PRADC1: variants seen among roughly 807,000 people sequenced by gnomAD.
The protein encoded by PRADC1 is protease-associated domain-containing protein 1.
Under a neutral mutation model 22.9 loss-of-function variants are expected in PRADC1, and 23 were observed. The ratio of observed to expected loss-of-function variants is 1.00; its 90% CI spans 0.72 to 1.42. The LOEUF is 1.42. Ranked by LOEUF, PRADC1 falls within the 40% of genes most tolerant of loss-of-function variation. PRADC1 has a pLI of 0.00. For synonymous variants in PRADC1, 71 were observed against 100.3 expected (o/e 0.71, Z 1.75); for missense variants, 207 against 258.3 (o/e 0.80, Z 1.36).
chr2:73,228,628 G>A lies in PRADC1; in HGVS notation c.447-54C>T. ...GGTCACTTTCTTGGTACCCCATCAT[G>A]CCCCACTGTCCCCATCAATCTGGGA... On this transcript the variant is annotated intron_variant, in intron 4 of 4. Coordinates refer to ENST00000258083, the MANE Select transcript of PRADC1 (RefSeq NM_032319.3). The surrounding 1 kb of genome is among the most constrained non-coding windows in gnomAD (Gnocchi z 4.0). The A allele has an allele frequency of 1.3e-5, 21 of 1,612,922 alleles. No individual in the cohort carries two copies. The highest frequency in any genetic ancestry group is 1.8e-5 in the Non-Finnish European group (21 of 1,179,526).
rs1348909496 is a variant in PRADC1 at position 73,228,085 on chromosome 2, A to T, written c.*369T>A. ...TCCCCAAACACCAGCTCTTTAAACCACTCCAACAACTGCTGTGAAGGTCAC... is the reference window on the plus strand; with the variant it reads ...TCCCCAAACACCAGCTCTTTAAACCTCTCCAACAACTGCTGTGAAGGTCAC... On this transcript the variant is annotated 3_prime_UTR_variant, in exon 5 of 5. Transcript: ENST00000258083. The surrounding 1 kb of genome is among the most constrained non-coding windows in gnomAD (Gnocchi z 4.0). 1 of 266,472 alleles carries T rather than the reference A, an allele frequency of 3.8e-6. No homozygotes were observed. The highest frequency in any genetic ancestry group is 2.1e-5 in the African/African-American group (1 of 46,512). The allele number at this position is 266,472 out of a possible 1,614,324, so 16.5% of individuals were successfully genotyped here.
chr2:73,229,720 A>T, intron 2 of PRADC1, 150 bp from the exon 3 acceptor site: 1 of 655,104 alleles, frequency 1.5e-6, no homozygotes, highest in South Asian at 1.8e-5. Flanking sequence ...AAACATTTTT[A>T]CTTAATTCTC....
At chr2:73,232,316 G>A (rs574465376) in intron 1 of PRADC1, among the ~76,000 whole-genome samples, 65 of 148,118 alleles carry the variant, frequency 4.4e-4, no homozygotes, top group Non-Finnish European at 7.7e-4. Flanking sequence ...CAACCTGGGC[G>A]ACAGAGCAAG....
At chr2:73,232,985 C>T in intron 1 of PRADC1, 109 bp downstream of exon 1, 2 of 1,321,182 alleles carry the variant, frequency 1.5e-6, no homozygotes, top group South Asian at 2.7e-5. Context: ...ACCTGTCCTG[C>T]TCTGAACTCG....
chr2:73,228,361 C>T lies in PRADC1; in HGVS notation c.*93G>A. The T allele has an allele frequency of 6.6e-7, 1 of 1,515,276 alleles. No homozygotes were observed. The allele number at this position is 1,515,276 out of a possible 1,614,324, so 93.9% of individuals were successfully genotyped here. A position where few individuals can be genotyped will look rare whatever the true frequency, so the allele number is the denominator to read the frequency against. On this transcript the variant is annotated 3_prime_UTR_variant, in exon 5 of 5. Coordinates refer to ENST00000258083, the MANE Select transcript of PRADC1 (RefSeq NM_032319.3). The surrounding 1 kb of genome is among the most constrained non-coding windows in gnomAD (Gnocchi z 4.0). ...TCCTCTACCTGGCTCCACTTGTCCC[C>T]AGATGCTATCTCCAAATTCCAAGTA...
At chr2:73,230,062 A>AG in intron 2 of PRADC1, 51 bp downstream of exon 2, 1 of 1,280,504 alleles carries the variant, frequency 7.8e-7, no homozygotes, top group Non-Finnish European at 1.1e-6. Context: ...CAGCTCAGTG[A>AG]GGGGAAGGGG....
Position 73,228,226 on chromosome 2 carries a change from G to C in PRADC1, c.*228C>G. 1.8e-6 allele frequency: 1 copy of C among 549,680 alleles called. No individual in the cohort carries two copies. Among genetic ancestry groups the C allele is most frequent in the Non-Finnish European group, 3.2e-6 (1 of 311,214 alleles). 34.1% of individuals were successfully genotyped at this position (549,680 alleles called of 1,614,324 possible). A position where few individuals can be genotyped will look rare whatever the true frequency, so the allele number is the denominator to read the frequency against. On this transcript the variant is annotated 3_prime_UTR_variant, in exon 5 of 5. Transcript: ENST00000258083. This position sits in a 1 kb window ranked among gnomAD's most constrained non-coding sequence, Gnocchi z 4.0. ...GTTTCGGGTTCTAGCCAGAAGCCCT[G>C]GGGCCTGTCTCTTGCCTCTTCTTGT...
chr2:73,231,081 C>T (rs1686625831), intron 1 of PRADC1, among the ~76,000 whole-genome samples: 1 of 152,230 alleles, frequency 6.6e-6, no homozygotes, highest in South Asian at 2.1e-4. Context: ...TAAATGGGGA[C>T]TTTCAACATA....
chr2:73,229,560 T>C lies in PRADC1; in HGVS notation c.179A>G (p.Tyr60Cys). The C allele has an allele frequency of 6.2e-7, 1 of 1,612,996 alleles. No homozygotes were observed. The highest frequency in any genetic ancestry group is 1.1e-5 in the South Asian group (1 of 91,054). Reference sequence around the variant, plus strand: ...AGCGGGGACAAGGTGAATCTGCTCATACCTTGTGTGCTGAAAAACATTTAA... The same window carrying C: ...AGCGGGGACAAGGTGAATCTGCTCACACCTTGTGTGCTGAAAAACATTTAA... ...KDFGGIFHTR[Y>C]EQIHLVPAEP... The change falls in exon 3 of 5, where the codon TAT becomes TGT. Residue 60 changes from tyrosine (Y) to cysteine (C), a missense_variant. Coordinates refer to ENST00000258083, the MANE Select transcript of PRADC1 (RefSeq NM_032319.3).
intron 1 of PRADC1, among the ~76,000 whole-genome samples, chr2:73,231,101 T>G (rs1283123132): frequency 3.3e-5 from 5 of 152,258 alleles, no homozygotes; most frequent in Admixed American, 1.3e-4. Context: ...AATTTGTAAT[T>G]ATACAGCTTT....
At chr2:73,230,064 G>C (rs1171514374) in intron 2 of PRADC1, 49 bp downstream of exon 2, 59 of 1,298,142 alleles carry the variant, frequency 4.5e-5, no homozygotes, top group Non-Finnish European at 6.3e-5. Flanking sequence ...GCTCAGTGAG[G>C]GGAAGGGGGA....
chr2:73,233,043 G>A, intron 1 of PRADC1, 51 bp downstream of exon 1: 1 of 1,520,140 alleles, frequency 6.6e-7, no homozygotes, highest in Non-Finnish European at 8.8e-7. Context: ...ACGCGCGCAA[G>A]CTGGACGGCC....
At chr2:73,230,365 G>A in intron 1 of PRADC1, 152 bp from the exon 2 acceptor site, 1 of 629,236 alleles carries the variant, frequency 1.6e-6, no homozygotes, top group Non-Finnish European at 2.9e-6. Context: ...AGGGTTGGGG[G>A]CTAGATGGCC....
In PRADC1 at chr2:73,228,582, G is replaced by T; in HGVS notation, c.447-8C>A. On this transcript the variant is annotated splice_polypyrimidine_tract_variant and splice_region_variant and intron_variant, in intron 4 of 4. Transcript: ENST00000258083. This position sits in a 1 kb window ranked among gnomAD's most constrained non-coding sequence, Gnocchi z 4.0. Reference sequence around the variant, plus strand: ...GAGCGGCGGATCATGTAGCTGGGAGGGCATGAAGAGAGGTGGTGACGGTCA... The same window carrying T: ...GAGCGGCGGATCATGTAGCTGGGAGTGCATGAAGAGAGGTGGTGACGGTCA... 1 of 1,613,952 alleles carries T rather than the reference G, an allele frequency of 6.2e-7. No homozygotes were observed. The highest frequency in any genetic ancestry group is 8.5e-7 in the Non-Finnish European group (1 of 1,180,020).
intron 3 of PRADC1, 39 bp downstream of exon 3, chr2:73,229,422 G>T: frequency 7.4e-7 from 1 of 1,349,926 alleles, no homozygotes; most frequent in Non-Finnish European, 1.1e-6. Context: ...TCTGCCGTAT[G>T]CCTGCCCACT....
Position 73,228,785 on chromosome 2 carries a change from G to A in PRADC1, c.446+10C>T, listed in dbSNP as rs764460321. On this transcript the variant is annotated intron_variant, in intron 4 of 4. Coordinates refer to ENST00000258083, the MANE Select transcript of PRADC1 (RefSeq NM_032319.3). This position sits in a 1 kb window ranked among gnomAD's most constrained non-coding sequence, Gnocchi z 4.0. ...TGGTGCTGATAAAGCCAGAGGCAAG[G>A]AGCCCTCACCCGTCTCGGCCGAGCA... 7 of 1,608,842 alleles carry A rather than the reference G, an allele frequency of 4.4e-6. No individual in the cohort carries two copies. The highest frequency in any genetic ancestry group is 4.2e-6 in the Non-Finnish European group (5 of 1,176,534).
Position 73,228,916 on chromosome 2 carries a change from C to T in PRADC1, c.325G>A (p.Gly109Arg), listed in dbSNP as rs749785941. Reference sequence around the variant, plus strand: ...TTGTCAGAGATGATCACCGCCCGCCCGCCGTGCTCCTGGACCACCCGAGTC... The same window carrying T: ...TTGTCAGAGATGATCACCGCCCGCCTGCCGTGCTCCTGGACCACCCGAGTC... ...SKTRVVQEHG[G>R]RAVIISDNAV... The change falls in exon 4 of 5, where the codon GGG becomes AGG. Residue 109 changes from glycine to arginine, a missense_variant. By Grantham distance (125) the Gly-to-Arg change is moderately radical. Transcript: ENST00000258083. This position sits in a 1 kb window ranked among gnomAD's most constrained non-coding sequence, Gnocchi z 4.0. 10 of 1,613,810 alleles carry T rather than the reference C, an allele frequency of 6.2e-6. No individual in the cohort carries two copies. The highest frequency in any genetic ancestry group is 1.1e-5 in the South Asian group (1 of 90,964).
chr2:73,232,881 C>A (rs1686687850), intron 1 of PRADC1, among the ~76,000 whole-genome samples: 1 of 152,144 alleles, frequency 6.6e-6, no homozygotes, highest in Non-Finnish European at 1.5e-5. Context: ...TCTGCTTTGT[C>A]GTGGGAAGGT....
intron 1 of PRADC1, among the ~76,000 whole-genome samples, chr2:73,231,621 T>C (rs1413098177): frequency 6.6e-6 from 1 of 151,420 alleles, no homozygotes; most frequent in East Asian, 1.9e-4. Flanking sequence ...GGTTTCGCCA[T>C]GTTGACCAGG....
Sources: allele counts gnomAD v4.1 joint callset (sites outside exome capture counted in the v4.1 genomes callset), GRCh38; gene constraint gnomAD v4.1.1; non-coding constraint Gnocchi (gnomAD v3.1); transcripts MANE v1.5; gene names NCBI Gene and HGNC (gene_info 2026-07-23, HGNC 2026-07-21).